ATP10B: variants seen among roughly 807,000 people sequenced by gnomAD.
The protein encoded by ATP10B is phospholipid-transporting ATPase VB.
In ATP10B, 122 loss-of-function variants were observed where a neutral mutation model predicts 141.2. That is an observed-to-expected ratio of 0.86 (90% CI 0.75 to 1.00). The LOEUF is 1.00. Among genes scored for constraint, ATP10B ranks in the 50% least tolerant of loss-of-function variants. ATP10B has a pLI of 0.00. For missense variants in ATP10B, 1,876 were observed against 1,825.3 expected, an observed-to-expected ratio of 1.03 and a Z score of -0.51; for synonymous variants, 685 against 692.0, an observed-to-expected ratio of 0.99 and a Z score of 0.16.
In ATP10B at chr5:160,724,717, T is replaced by G. The variant is rs577333328; in HGVS notation, c.-330-7683A>C. Among the ~76,000 whole-genome samples the G allele has an allele frequency of 6.6e-5, 10 of 152,266 alleles. No homozygotes were observed. The South Asian group carries it at 2.1e-3, about 32-fold the overall frequency. Reference sequence around the variant, plus strand: ...ACAGGTCATGTGCCCCCTCAAAGACTTCAAACCTGTGATTACCTCTGTCTT... The same window carrying G: ...ACAGGTCATGTGCCCCCTCAAAGACGTCAAACCTGTGATTACCTCTGTCTT... On this transcript the variant is annotated intron_variant, in intron 2 of 25. Coordinates refer to ENST00000327245, the MANE Select transcript of ATP10B (RefSeq NM_025153.3).
chr5:160,566,253 T>C (rs1754530753), intron 25 of ATP10B, among the ~76,000 whole-genome samples: 1 of 152,212 alleles, frequency 6.6e-6, no homozygotes, highest in Non-Finnish European at 1.5e-5. Flanking sequence ...AGCCACACAG[T>C]GGTTGAGCTA....
the ATP10B span, among the ~76,000 whole-genome samples, chr5:160,863,944 T>A: frequency 6.6e-6 from 1 of 151,812 alleles, no homozygotes; most frequent in Non-Finnish European, 1.5e-5. Context: ...AGAGATTAAA[T>A]CAATAATAAA....
At chr5:160,773,943 C>T (rs1770093124) in intron 2 of ATP10B, among the ~76,000 whole-genome samples, 1 of 152,190 alleles carries the variant, frequency 6.6e-6, no homozygotes, top group Non-Finnish European at 1.5e-5. Context: ...TCTGAAAGCT[C>T]ATGGGTCATT....
At chr5:160,642,805 A>G (rs150189717) in intron 9 of ATP10B, among the ~76,000 whole-genome samples, 1 of 152,324 alleles carries the variant, frequency 6.6e-6, no homozygotes, top group East Asian at 1.9e-4. Flanking sequence ...TCCCTCTTGC[A>G]CTGAAAGTTC....
the ATP10B span, among the ~76,000 whole-genome samples, chr5:160,921,556 G>A: frequency 6.6e-5 from 10 of 152,236 alleles, no homozygotes; most frequent in East Asian, 3.9e-4. Flanking sequence ...AGAGCTTTCC[G>A]CAATGTCTGG....
At chr5:160,855,881 TA>T (rs974938043), upstream of ATP10B, among the ~76,000 whole-genome samples, 119 of 147,732 alleles carry the variant, frequency 8.1e-4, no homozygotes, top group Middle Eastern at 3.6e-3. Context: ...TGTAACTTTG[TA>T]AAAAAAAAAA....
intron 7 of ATP10B, among the ~76,000 whole-genome samples, chr5:160,649,570 C>A (rs1347800590): frequency 6.6e-6 from 1 of 152,122 alleles, no homozygotes; most frequent in Non-Finnish European, 1.5e-5. Context: ...TCTGAGTCTG[C>A]ATTGTGCAGT....
Position 160,640,601 on chromosome 5 carries a change from G to A in ATP10B, c.869-9C>T. The A allele has an allele frequency of 6.2e-7, 1 of 1,613,750 alleles. No homozygotes were observed. Among genetic ancestry groups the A allele is most frequent in the East Asian group, 2.2e-5 (1 of 44,876 alleles). On this transcript the variant is annotated splice_polypyrimidine_tract_variant and intron_variant, in intron 9 of 25. Coordinates refer to ENST00000327245, the MANE Select transcript of ATP10B (RefSeq NM_025153.3). ...GGCTTTCGTCTCATGGCCTTTGAGAGAAAATGAGGAAATCAGTCCCTTAGT... is the reference window on the plus strand; with the variant it reads ...GGCTTTCGTCTCATGGCCTTTGAGAAAAAATGAGGAAATCAGTCCCTTAGT...
chr5:160,588,173 A>G (rs1756040344), intron 24 of ATP10B, among the ~76,000 whole-genome samples: 1 of 152,184 alleles, frequency 6.6e-6, no homozygotes, highest in Non-Finnish European at 1.5e-5. Context: ...CTAAATATAC[A>G]ATCATGTCAT....
intron 6 of ATP10B, among the ~76,000 whole-genome samples, chr5:160,674,783 AG>A (rs1762923824): frequency 6.6e-6 from 1 of 152,108 alleles, no homozygotes; most frequent in Admixed American, 6.5e-5. Flanking sequence ...AAAAAAGTTT[AG>A]GGGAAACATA....
chr5:160,761,154 C>T (rs934852435), intron 2 of ATP10B, among the ~76,000 whole-genome samples: 1 of 152,186 alleles, frequency 6.6e-6, no homozygotes, highest in African/African-American at 2.4e-5. Flanking sequence ...AAAACGACAG[C>T]TAATTCCACT....
At chr5:160,726,177 C>G (rs551067487) in intron 2 of ATP10B, among the ~76,000 whole-genome samples, 1 of 152,092 alleles carries the variant, frequency 6.6e-6, no homozygotes, top group African/African-American at 2.4e-5. Flanking sequence ...CAATGTCACT[C>G]TGGGGTGCTT....
chr5:160,585,627 C>G (rs927566670), intron 24 of ATP10B, among the ~76,000 whole-genome samples: 32 of 152,258 alleles, frequency 2.1e-4, no homozygotes, highest in African/African-American at 7.2e-4. Context: ...AAACCAAAAA[C>G]TATACCTCCA....
intron 15 of ATP10B, among the ~76,000 whole-genome samples, chr5:160,619,179 G>T (rs1055568228): frequency 1.3e-5 from 2 of 152,074 alleles, no homozygotes; most frequent in Non-Finnish European, 2.9e-5. Flanking sequence ...TCTTTTACTT[G>T]TAAGCCTTGG....
intron 1 of ATP10B, among the ~76,000 whole-genome samples, chr5:160,838,476 T>C (rs1293001609): frequency 6.6e-6 from 1 of 152,198 alleles, no homozygotes; most frequent in East Asian, 1.9e-4. Flanking sequence ...CTCAAAATAC[T>C]TAAGCCACAC....
chr5:160,786,553 G>T (rs17058289), intron 1 of ATP10B, among the ~76,000 whole-genome samples: 5,185 of 152,102 alleles, frequency 0.034, 268 homozygotes, highest in East Asian at 0.26. Flanking sequence ...CCTATTCAAC[G>T]GCTCCCTCCA....
chr5:160,575,018 A>AT (rs963561876), intron 24 of ATP10B, among the ~76,000 whole-genome samples: 1 of 151,984 alleles, frequency 6.6e-6, no homozygotes, highest in African/African-American at 2.4e-5. Flanking sequence ...ATCTTTTTCT[A>AT]TTTTTTTATT....
At chr5:160,807,401 T>C (rs915158010) in intron 1 of ATP10B, among the ~76,000 whole-genome samples, 1 of 152,190 alleles carries the variant, frequency 6.6e-6, no homozygotes, top group Non-Finnish European at 1.5e-5. Context: ...AGAAAGAGAA[T>C]GGGCTGTGCT....
intron 1 of ATP10B, among the ~76,000 whole-genome samples, chr5:160,790,761 A>G (rs1771510060): frequency 6.6e-6 from 1 of 152,140 alleles, no homozygotes; most frequent in Non-Finnish European, 1.5e-5. Context: ...TAATCCCCAG[A>G]CCTGGGGAAT....
Sources: allele counts gnomAD v4.1 joint callset (sites outside exome capture counted in the v4.1 genomes callset), GRCh38; gene constraint gnomAD v4.1.1; transcripts MANE v1.5; gene names NCBI Gene and HGNC (gene_info 2026-07-23, HGNC 2026-07-21).